Variants in CRTC3 observed in about 807,000 individuals in gnomAD.
The protein encoded by CRTC3 is CREB-regulated transcription coactivator 3.
A neutral mutation model predicts 74.5 loss-of-function variants in CRTC3; 26 were observed. The ratio of observed to expected loss-of-function variants is 0.35; its 90% CI spans 0.26 to 0.48. The LOEUF (loss-of-function observed/expected upper bound fraction) is 0.48. Ranked by LOEUF, CRTC3 falls within the 20% of genes least tolerant of loss-of-function variation. The pLI, the probability that CRTC3 is intolerant of heterozygous loss-of-function variation, is 0.99. For synonymous variants in CRTC3, 377 were observed against 325.8 expected (o/e 1.16, Z -1.69); for missense variants, 760 against 787.3 (o/e 0.97, Z 0.41).
At chr15:90,562,808 G>A (rs531982269) in intron 2 of CRTC3, among the ~76,000 whole-genome samples, 14 of 152,118 alleles carry the variant, frequency 9.2e-5, no homozygotes, top group African/African-American at 3.4e-4. Flanking sequence ...GATGGAAGAG[G>A]GGGGTCAGTT....
In CRTC3 at chr15:90,643,399, G is replaced by C. The variant is rs939314419; in HGVS notation, c.*1259G>C. Reference sequence around the variant, plus strand: ...TGAAGCCGGGCACTGCATTCTCCTTGGGCTGTGCTCCACGCGGGTGGGTGG... The same window carrying C: ...TGAAGCCGGGCACTGCATTCTCCTTCGGCTGTGCTCCACGCGGGTGGGTGG... On this transcript the variant is annotated 3_prime_UTR_variant, in exon 15 of 15. Coordinates refer to ENST00000268184, the MANE Select transcript of CRTC3 (RefSeq NM_022769.5). 4.4e-6 allele frequency: 1 copy of C among 228,826 alleles called. No homozygotes were observed. Among genetic ancestry groups the C allele is most frequent in the South Asian group, 1.8e-4 (1 of 5,492 alleles). 14.2% of individuals were successfully genotyped at this position (228,826 alleles called of 1,614,324 possible). A position where few individuals can be genotyped will look rare whatever the true frequency, so the allele number is the denominator to read the frequency against.
chr15:90,553,156 A>G (rs1966865453), intron 2 of CRTC3, among the ~76,000 whole-genome samples: 1 of 152,000 alleles, frequency 6.6e-6, no homozygotes, highest in Non-Finnish European at 1.5e-5. Context: ...GTTGTTTCTT[A>G]TTTTCTTTTT....
In CRTC3 at chr15:90,607,494, C is replaced by T. The variant is rs764110841; in HGVS notation, c.577+16C>T. ...CCATACATGGGTAAGACACACAGGC[C>T]ACTGCTGACAGCAGCTGTGCTTGCT... On this transcript the variant is annotated intron_variant, in intron 6 of 14. Transcript: ENST00000268184. 3 of 1,446,124 alleles carry T rather than the reference C, an allele frequency of 2.1e-6. No homozygotes were observed. The highest frequency in any genetic ancestry group is 1.7e-5 in the Admixed American group (1 of 58,138). The allele number at this position is 1,446,124 out of a possible 1,614,324, so 89.6% of individuals were successfully genotyped here.
chr15:90,591,050 G>C (rs568566266), intron 2 of CRTC3, among the ~76,000 whole-genome samples: 2 of 152,090 alleles, frequency 1.3e-5, no homozygotes, highest in Admixed American at 6.5e-5. Flanking sequence ...GAACACCTGG[G>C]TTCAAGTGAT....
rs558476213 is a variant in CRTC3 at position 90,643,434 on chromosome 15, TCTG to T, written c.*1295_*1297del. On this transcript the variant is annotated 3_prime_UTR_variant, in exon 15 of 15. Transcript: ENST00000268184. ...CCACGCGGGTGGGTGGGAGCTGTCT[TCTG>T]AGTACATCCGGAAGGGCTGAGCAGG... 290 of 229,162 alleles carry T rather than the reference TCTG, an allele frequency of 1.3e-3. 1 individual carries two copies. The highest frequency in any genetic ancestry group is 2.1e-3 in the Non-Finnish European group (238 of 115,608). The allele number at this position is 229,162 out of a possible 1,614,324, so 14.2% of individuals were successfully genotyped here. A position where few individuals can be genotyped will look rare whatever the true frequency, so the allele number is the denominator to read the frequency against.
chr15:90,552,613 CCT>C (rs1966862611), intron 2 of CRTC3, among the ~76,000 whole-genome samples: 1 of 152,136 alleles, frequency 6.6e-6, no homozygotes, highest in Non-Finnish European at 1.5e-5. Flanking sequence ...TGGTTTGAGT[CCT>C]GGTTCTGCCA....
intron 2 of CRTC3, among the ~76,000 whole-genome samples, chr15:90,558,842 C>T (rs983906093): frequency 2.0e-5 from 3 of 151,936 alleles, no homozygotes; most frequent in Non-Finnish European, 4.4e-5. Context: ...ACCTCCACCT[C>T]CCGGGTTCAA....
rs536354401 is a variant in CRTC3, at chr15:90,632,143, G to T, written c.1266+2611G>T. Among the ~76,000 whole-genome samples the T allele has an allele frequency of 7.3e-5, 11 of 150,478 alleles. No individual in the cohort carries two copies. In the South Asian group the frequency reaches 2.1e-3, roughly 29 times the overall value. ...AGGCTAGTCCATAATTATTGTTTTC[G>T]TGGTTCTTATGTTATTGAATTACCT... is the stretch of plus-strand genomic sequence containing the variant. On this transcript the variant is annotated intron_variant, in intron 11 of 14. Transcript: ENST00000268184.
Position 90,641,182 on chromosome 15 carries a change from C to T in CRTC3, c.1634C>T (p.Pro545Leu), listed in dbSNP as rs200743244. The part of the protein sequence containing the change: ...PSPYSNCGSL[P>L]NTILPEDSST... ...CCGTATTCCAACTGCGGGAGTCTCC[C>T]GAACACCATCCTGCCAGGTGAGCGA... Residue 545 changes from proline to leucine, a missense_variant, in exon 14 of 15, where the codon CCG becomes CTG. Physicochemically the swap from Pro to Leu is moderately conservative, Grantham distance 98. Coordinates refer to ENST00000268184, the MANE Select transcript of CRTC3 (RefSeq NM_022769.5). The T allele has an allele frequency of 3.0e-5, 48 of 1,612,328 alleles. 1 individual carries two copies. The highest frequency in any genetic ancestry group is 1.7e-4 in the African/African-American group (13 of 74,976).
chr15:90,591,384 T>C (rs1350335331), intron 2 of CRTC3, among the ~76,000 whole-genome samples: 1 of 152,128 alleles, frequency 6.6e-6, no homozygotes, highest in East Asian at 1.9e-4. Context: ...CCTCCCAAAG[T>C]GCTGGGACTC....
chr15:90,586,284 CA>C (rs768753195), intron 2 of CRTC3, among the ~76,000 whole-genome samples: 3 of 150,460 alleles, frequency 2.0e-5, no homozygotes, highest in Non-Finnish European at 4.4e-5. Flanking sequence ...AATACTTTTT[CA>C]AAGTATTAAC....
At chr15:90,628,690 CAA>C (rs1334623103) in intron 10 of CRTC3, among the ~76,000 whole-genome samples, 1 of 152,050 alleles carries the variant, frequency 6.6e-6, no homozygotes, top group Non-Finnish European at 1.5e-5. Flanking sequence ...ACCAGAAAAT[CAA>C]AGAGGGACCC....
At chr15:90,627,178 G>A (rs578089040) in intron 10 of CRTC3, among the ~76,000 whole-genome samples, 6 of 152,374 alleles carry the variant, frequency 3.9e-5, no homozygotes, top group South Asian at 2.1e-4. Context: ...CAGTGATGCT[G>A]CCTGGTGCAA....
At chr15:90,633,291 TCTC>T (rs1224601431) in intron 11 of CRTC3, among the ~76,000 whole-genome samples, 1 of 152,170 alleles carries the variant, frequency 6.6e-6, no homozygotes, top group African/African-American at 2.4e-5. Context: ...GTTGGGCAGA[TCTC>T]CTCTCGACAC....
chr15:90,635,073 C>T (rs1969182698), intron 11 of CRTC3: 12 of 797,148 alleles, frequency 1.5e-5, no homozygotes, highest in South Asian at 1.4e-4. Flanking sequence ...TGAAGCTGCC[C>T]ATTCCACTGA....
intron 11 of CRTC3, 91 bp downstream of exon 11, chr15:90,629,623 C>T: frequency 7.6e-7 from 1 of 1,321,190 alleles, no homozygotes; most frequent in Non-Finnish European, 1.1e-6. Context: ...TTGGGTTACA[C>T]TCATTATTAC....
intron 2 of CRTC3, among the ~76,000 whole-genome samples, chr15:90,572,161 CAAAAAA>C (rs56906718): frequency 2.4e-5 from 3 of 124,430 alleles, no homozygotes; most frequent in Admixed American, 8.3e-5. Flanking sequence ...GATTCTTTCT[CAAAAAA>C]AAAAAAAAAA....
At chr15:90,574,785 A>AT (rs2151071094) in intron 2 of CRTC3, among the ~76,000 whole-genome samples, 1 of 152,074 alleles carries the variant, frequency 6.6e-6, no homozygotes, top group South Asian at 2.1e-4. Context: ...TAATTTGTGC[A>AT]TTTTTCTTAT....
chr15:90,564,469 C>G (rs1047653162), intron 2 of CRTC3, among the ~76,000 whole-genome samples: 1 of 152,132 alleles, frequency 6.6e-6, no homozygotes, highest in African/African-American at 2.4e-5. Context: ...CTAGACCCTC[C>G]TCTATTATTT....
Sources: gnomAD v4.1 joint callset for allele counts (sites outside exome capture counted in the v4.1 genomes callset) on GRCh38, gnomAD v4.1.1 for gene constraint, MANE v1.5 for transcripts, NCBI Gene and HGNC (gene_info 2026-07-23, HGNC 2026-07-21) for gene names.